Variants in SRCIN1 observed in about 807,000 individuals in gnomAD.
SRCIN1 encodes SRC kinase signaling inhibitor 1.
SRCIN1 carries 50 observed loss-of-function variants against 116.2 expected under a neutral mutation model. That is an observed-to-expected ratio of 0.43 (90% CI 0.34 to 0.54). The LOEUF (loss-of-function observed/expected upper bound fraction) is 0.54, where lower values mean the gene tolerates loss of function less well. Ranked by LOEUF, SRCIN1 falls within the 20% of genes least tolerant of loss-of-function variation. SRCIN1 has a pLI of 0.02. For missense variants in SRCIN1, 1,446 were observed against 1,672.0 expected, an observed-to-expected ratio of 0.86 and a Z score of 2.36; for synonymous variants, 736 against 750.0, an observed-to-expected ratio of 0.98 and a Z score of 0.30.
chr17:38,578,807 G>A lies in SRCIN1; in HGVS notation c.23-16C>T, dbSNP rs757836464. ...CGCTCCGGATCTGCGAGAGGTGAGAGGGGCACGGCTGGGTCACGGCGCGCC... is the reference window on the plus strand; with the variant it reads ...CGCTCCGGATCTGCGAGAGGTGAGAAGGGCACGGCTGGGTCACGGCGCGCC... On this transcript the variant is annotated splice_polypyrimidine_tract_variant and intron_variant, in intron 1 of 18. Coordinates refer to ENST00000617146, the MANE Select transcript of SRCIN1 (RefSeq NM_025248.3). 4 of 1,470,132 alleles carry A rather than the reference G, an allele frequency of 2.7e-6. No homozygotes were observed. The highest frequency in any genetic ancestry group is 2.7e-6 in the Non-Finnish European group (3 of 1,113,874). The allele number at this position is 1,470,132 out of a possible 1,614,324, so 91.1% of individuals were successfully genotyped here. A position where few individuals can be genotyped will look rare whatever the true frequency, so the allele number is the denominator to read the frequency against.
chr17:38,577,940 C>G (rs1376580969), intron 2 of SRCIN1, among the ~76,000 whole-genome samples: 1 of 152,170 alleles, frequency 6.6e-6, no homozygotes, highest in African/African-American at 2.4e-5. Flanking sequence ...CAGCACGCCA[C>G]GGGGTGGAAC....
At chr17:38,551,510 C>A in intron 14 of SRCIN1, 121 bp from the exon 15 acceptor site, 1 of 871,102 alleles carries the variant, frequency 1.1e-6, no homozygotes, top group South Asian at 1.8e-5. Flanking sequence ...CATATTTGAT[C>A]CCACCTCCAG....
intron 18 of SRCIN1, among the ~76,000 whole-genome samples, chr17:38,540,864 A>G (rs1012590491): frequency 1.6e-4 from 24 of 152,164 alleles, no homozygotes; most frequent in Admixed American, 9.8e-4. Flanking sequence ...CAGAAGTCAC[A>G]AGGAGATCTT....
Position 38,604,228 on chromosome 17 carries a change from T to C in SRCIN1, c.22+1456A>G, listed in dbSNP as rs540044541. Among the ~76,000 whole-genome samples the C allele has an allele frequency of 6.6e-6, 1 of 152,094 alleles. No individual in the cohort carries two copies. Among genetic ancestry groups the C allele is most frequent in the African/African-American group, 2.4e-5 (1 of 41,498 alleles). On this transcript the variant is annotated intron_variant, in intron 1 of 18. Transcript: ENST00000617146. This position sits in a 1 kb window ranked among gnomAD's most constrained non-coding sequence, Gnocchi z 4.3. Reference sequence around the variant, plus strand: ...TGCTCAAACCCCACCCAAAGGAACATTCAGGCCCACAAACCTGGAAGTCTG... The same window carrying C: ...TGCTCAAACCCCACCCAAAGGAACACTCAGGCCCACAAACCTGGAAGTCTG...
At chr17:38,578,842 G>A in intron 1 of SRCIN1, 51 bp from the exon 2 acceptor site, 3 of 1,445,760 alleles carry the variant, frequency 2.1e-6, no homozygotes, top group Non-Finnish European at 2.7e-6. Flanking sequence ...CCGGCCTGGG[G>A]CTGCCCATCC....
chr17:38,554,927 T>G (rs1905688779), intron 11 of SRCIN1, among the ~76,000 whole-genome samples: 2 of 152,224 alleles, frequency 1.3e-5, no homozygotes, highest in South Asian at 2.1e-4. Flanking sequence ...TAAAGCTCTG[T>G]GTCATCAGCA....
intron 1 of SRCIN1, among the ~76,000 whole-genome samples, chr17:38,592,499 G>A (rs1025450264): frequency 6.6e-6 from 1 of 152,196 alleles, no homozygotes; most frequent in Non-Finnish European, 1.5e-5. Context: ...AACAGAACAG[G>A]CAGAAGGACA....
In SRCIN1 at chr17:38,568,165, G is replaced by A. The variant is rs1906844965; in HGVS notation, c.345+46C>T. 1 of 1,609,704 alleles carries A rather than the reference G, an allele frequency of 6.2e-7. No homozygotes were observed. The highest frequency in any genetic ancestry group is 1.1e-5 in the South Asian group (1 of 90,186). ...AAGGGAGAGGCAGGGGCAGGGGAGG[G>A]AGAGCACATGCAGTTGTCATGGGAG... On this transcript the variant is annotated intron_variant, in intron 3 of 18. Transcript: ENST00000617146. This position sits in a 1 kb window ranked among gnomAD's most constrained non-coding sequence, Gnocchi z 4.5.
intron 2 of SRCIN1, among the ~76,000 whole-genome samples, chr17:38,574,703 G>A (rs183793006): frequency 7.6e-4 from 115 of 152,260 alleles, no homozygotes; most frequent in Non-Finnish European, 1.4e-3. Flanking sequence ...ATTAGACATC[G>A]GGCAGATGTG....
rs1300807200 is a variant in SRCIN1, at chr17:38,533,159, G to C, written c.*138C>G. The C allele has an allele frequency of 5.6e-6, 6 of 1,072,204 alleles. No individual in the cohort carries two copies. The highest frequency in any genetic ancestry group is 7.5e-6 in the Non-Finnish European group (6 of 800,950). The allele number at this position is 1,072,204 out of a possible 1,614,324, so 66.4% of individuals were successfully genotyped here. A position where few individuals can be genotyped will look rare whatever the true frequency, so the allele number is the denominator to read the frequency against. ...ATGATGGGTAGGGGTCGCTGAGGAG[G>C]GCCGCACCCTCCTCTTCAGGGCACA... On this transcript the variant is annotated 3_prime_UTR_variant, in exon 19 of 19. Coordinates refer to ENST00000617146, the MANE Select transcript of SRCIN1 (RefSeq NM_025248.3).
chr17:38,564,229 G>A lies in SRCIN1; in HGVS notation c.430C>T (p.Leu144=). The A allele has an allele frequency of 1.3e-6, 2 of 1,580,692 alleles. No homozygotes were observed. Among genetic ancestry groups the A allele is most frequent in the Non-Finnish European group, 1.7e-6 (2 of 1,164,844 alleles). The part of the protein sequence containing the change: ...AKLSYASAES[L]ETMSEAELPL... ...AGCTCGGCCTCCGACATGGTCTCCAGCGACTCGGCGGAGGCGTAGGACAGC... is the reference window on the plus strand; with the variant it reads ...AGCTCGGCCTCCGACATGGTCTCCAACGACTCGGCGGAGGCGTAGGACAGC... The change falls in exon 4 of 19, where the codon CTG becomes TTG. Residue 144 remains leucine (L), a synonymous_variant. Transcript: ENST00000617146.
At chr17:38,557,227 G>A (rs1007353243) in intron 11 of SRCIN1, among the ~76,000 whole-genome samples, 2 of 152,240 alleles carry the variant, frequency 1.3e-5, no homozygotes, top group African/African-American at 4.8e-5. Context: ...GTCGCAAGAG[G>A]CTCATTTATG....
chr17:38,552,378 CA>C lies in SRCIN1; in HGVS notation c.2480+68del. ...CTTTGGGGGAGTTGGGGTAAGGGTT[CA>C]GTATGACCTATGGGTCTGGGCCCGG... On this transcript the variant is annotated intron_variant, in intron 13 of 18. Transcript: ENST00000617146. This position sits in a 1 kb window ranked among gnomAD's most constrained non-coding sequence, Gnocchi z 5.3. 1 of 1,523,552 alleles carries C rather than the reference CA, an allele frequency of 6.6e-7. No homozygotes were observed. Among genetic ancestry groups the C allele is most frequent in the Non-Finnish European group, 8.8e-7 (1 of 1,137,770 alleles). 94.4% of individuals were successfully genotyped at this position (1,523,552 alleles called of 1,614,324 possible).
chr17:38,560,177 T>G, intron 8 of SRCIN1, 80 bp from the exon 9 acceptor site: 1 of 1,423,368 alleles, frequency 7.0e-7, no homozygotes, highest in African/African-American at 1.4e-5. Context: ...TTGGATGTCA[T>G]CTCCTCCAGC....
Position 38,560,452 on chromosome 17 carries a change from C to G in SRCIN1, c.1701-27G>C, listed in dbSNP as rs757674418. On this transcript the variant is annotated intron_variant, in intron 7 of 18. Coordinates refer to ENST00000617146, the MANE Select transcript of SRCIN1 (RefSeq NM_025248.3). ...TGGGGAGGAAGGGGGTCTGGGCAAC[C>G]TCGCCTCTGAGCATAGGGTCTCTCC... 52 of 1,580,592 alleles carry G rather than the reference C, an allele frequency of 3.3e-5. No individual in the cohort carries two copies. The South Asian group carries it at 5.9e-4, about 18-fold the overall frequency.
At position 38,605,848 on chromosome 17, in the gene SRCIN1, G is replaced by T; in HGVS notation, c.-143C>A. The T allele has an allele frequency of 5.9e-6, 1 of 168,338 alleles. No individual in the cohort carries two copies. The highest frequency in any genetic ancestry group is 1.8e-4 in the South Asian group (1 of 5,546). The allele number at this position is 168,338 out of a possible 1,614,324, so 10.4% of individuals were successfully genotyped here. On this transcript the variant is annotated 5_prime_UTR_variant, in exon 1 of 19. Coordinates refer to ENST00000617146, the MANE Select transcript of SRCIN1 (RefSeq NM_025248.3). Reference sequence around the variant, plus strand: ...CCGGGGGCGCGGGCCCCGCCGGGGTGGACCAGCTGGGAGGGCGCCGGCGGC... The same window carrying T: ...CCGGGGGCGCGGGCCCCGCCGGGGTTGACCAGCTGGGAGGGCGCCGGCGGC...
intron 3 of SRCIN1, among the ~76,000 whole-genome samples, chr17:38,565,614 C>A (rs1057359719): frequency 2.0e-5 from 3 of 152,206 alleles, no homozygotes; most frequent in Non-Finnish European, 4.4e-5. Flanking sequence ...TCAGCTCCCT[C>A]TCTCCCCAAT....
chr17:38,540,072 T>C (rs1291877009), intron 18 of SRCIN1, among the ~76,000 whole-genome samples: 1 of 146,872 alleles, frequency 6.8e-6, no homozygotes, highest in Non-Finnish European at 1.5e-5. Context: ...TCTGAGAAGA[T>C]AAGCAGTTGT....
At chr17:38,546,237 G>C (rs539201374) in intron 17 of SRCIN1, among the ~76,000 whole-genome samples, 1 of 152,314 alleles carries the variant, frequency 6.6e-6, no homozygotes, top group East Asian at 1.9e-4. Flanking sequence ...CTTAACCCGG[G>C]AAGTGACTGC....
Sources: gnomAD v4.1 joint callset for allele counts (sites outside exome capture counted in the v4.1 genomes callset) on GRCh38, gnomAD v4.1.1 for gene constraint, Gnocchi (gnomAD v3.1) non-coding constraint, MANE v1.5 for transcripts, NCBI Gene and HGNC (gene_info 2026-07-23, HGNC 2026-07-21) for gene names.